PDE4D: variants seen among roughly 807,000 people sequenced by gnomAD.
The protein encoded by PDE4D is phosphodiesterase 4D.
Under a neutral mutation model 87.4 loss-of-function variants are expected in PDE4D, and 24 were observed. The ratio of observed to expected loss-of-function variants is 0.27; its 90% CI spans 0.20 to 0.39. PDE4D has a LOEUF of 0.39. Among genes scored for constraint, PDE4D ranks in the 10% least tolerant of loss-of-function variants. The pLI is 1.00. For synonymous variants in PDE4D, 384 were observed against 383.2 expected (o/e 1.00, Z -0.02); for missense variants, 714 against 1,041.0 (o/e 0.69, Z 4.32).
chr5:60,324,805 ACTGTGAAC>A (rs1221777787), intron 1 of PDE4D, among the ~76,000 whole-genome samples: 5 of 152,234 alleles, frequency 3.3e-5, no homozygotes, highest in African/African-American at 9.6e-5. Flanking sequence ...TCATATGGTT[ACTGTGAAC>A]CTCATATGGT....
chr5:59,601,377 C>T (rs1024739987), intron 1 of PDE4D, among the ~76,000 whole-genome samples: 1 of 150,438 alleles, frequency 6.6e-6, no homozygotes, highest in African/African-American at 2.4e-5. Flanking sequence ...TTTCAGTGTG[C>T]TTGCAACTGG....
chr5:59,200,205 A>G (rs1290914962), intron 2 of PDE4D, among the ~76,000 whole-genome samples: 2 of 134,554 alleles, frequency 1.5e-5, no homozygotes, highest in Non-Finnish European at 3.3e-5. Context: ...ACGTGTATGT[A>G]TAGATACACG....
At chr5:59,196,093 G>C (rs909237271) in intron 2 of PDE4D, among the ~76,000 whole-genome samples, 4 of 151,872 alleles carry the variant, frequency 2.6e-5, no homozygotes, top group Non-Finnish European at 5.9e-5. Flanking sequence ...AAAAAGTTCT[G>C]GGGAAAAAAA....
At chr5:59,206,703 C>T (rs1256266235) in intron 2 of PDE4D, among the ~76,000 whole-genome samples, 2 of 152,078 alleles carry the variant, frequency 1.3e-5, no homozygotes, top group African/African-American at 4.8e-5. Context: ...TCAAATGATA[C>T]CCTGGCATGG....
intron 1 of PDE4D, among the ~76,000 whole-genome samples, chr5:60,390,381 A>C (rs1762479908): frequency 6.6e-6 from 1 of 152,210 alleles, no homozygotes; most frequent in Admixed American, 6.5e-5. Context: ...GGTTGAGTTT[A>C]GCGCAACCCC....
rs547367485 is a variant in PDE4D, at chr5:59,340,030, G to A, written c.456-124062C>T. ...GTGTTCAGTCTTCTCACCCTCTCTG[G>A]AATCTCATTTTCATCAACAGCCCCT... is the stretch of plus-strand genomic sequence containing the variant. On this transcript the variant is annotated intron_variant, in intron 1 of 14. Transcript: ENST00000340635. Among the ~76,000 whole-genome samples the A allele has an allele frequency of 5.3e-5, 8 of 150,674 alleles. No individual in the cohort carries two copies. The East Asian group carries it at 1.4e-3, about 26-fold the overall frequency.
intron 1 of PDE4D, among the ~76,000 whole-genome samples, chr5:59,238,992 G>T (rs184246551): frequency 1.9e-4 from 29 of 152,292 alleles, no homozygotes; most frequent in African/African-American, 7.0e-4. Context: ...AGATTAAGTG[G>T]CAAGGCCAGG....
chr5:59,161,503 G>C (rs899857409), intron 5 of PDE4D, among the ~76,000 whole-genome samples: 11 of 152,192 alleles, frequency 7.2e-5, no homozygotes, highest in Non-Finnish European at 1.6e-4. Context: ...TTAGGCAGAT[G>C]AAGCCTCCAG....
intron 1 of PDE4D, among the ~76,000 whole-genome samples, chr5:59,785,159 T>A (rs1178150762): frequency 6.6e-6 from 1 of 152,218 alleles, no homozygotes; most frequent in African/African-American, 2.4e-5. Flanking sequence ...TTTTTACATA[T>A]ACAATATCAT....
intron 2 of PDE4D, among the ~76,000 whole-genome samples, chr5:60,097,737 CTGTGTGTGTGTGCA>C (rs1271797246): frequency 2.7e-5 from 4 of 150,864 alleles, no homozygotes; most frequent in Non-Finnish European, 5.9e-5. Flanking sequence ...TCAATATATC[CTGTGTGTGTGTGCA>C]TGTGTGTGAG....
At chr5:59,423,724 C>T (rs1794799740) in intron 1 of PDE4D, among the ~76,000 whole-genome samples, 1 of 151,446 alleles carries the variant, frequency 6.6e-6, no homozygotes, top group South Asian at 2.1e-4. Context: ...TTATTTATAC[C>T]TAAAATACAC....
intron 1 of PDE4D, among the ~76,000 whole-genome samples, chr5:59,378,980 TTG>T (rs3061658): frequency 0.7 from 104,055 of 149,298 alleles, 36,364 homozygotes; most frequent in African/African-American, 0.79. Flanking sequence ...GTGTGTGTGT[TTG>T]TGTGTGTGTG....
chr5:60,070,285 G>A lies in PDE4D; in HGVS notation c.43-81568C>T, dbSNP rs534939549. On this transcript the variant is annotated intron_variant, in intron 2 of 16. Coordinates refer to the PDE4D transcript ENST00000502484. Reference sequence around the variant, plus strand: ...AATCTTAGAGGAAAAGCCTTCATTCGGTTTTTCACCATTGAGTATGACGTT... The same window carrying A: ...AATCTTAGAGGAAAAGCCTTCATTCAGTTTTTCACCATTGAGTATGACGTT... Among the ~76,000 whole-genome samples the A allele has an allele frequency of 5.3e-4, 81 of 152,046 alleles. 1 individual carries two copies. The highest frequency in any genetic ancestry group is 1.7e-3 in the African/African-American group (72 of 41,484).
At chr5:59,587,740 T>TC (rs2153702353) in intron 1 of PDE4D, 1 of 339,194 alleles carries the variant, frequency 2.9e-6, no homozygotes, top group African/African-American at 2.2e-5. Context: ...CTTGCTAACC[T>TC]CCAAGTAAGA....
chr5:59,472,875 A>G (rs1582769206), intron 1 of PDE4D, among the ~76,000 whole-genome samples: 2 of 152,110 alleles, frequency 1.3e-5, no homozygotes, highest in South Asian at 4.1e-4. Flanking sequence ...TGCTCTCAAC[A>G]TAGGAGGAAA....
At chr5:59,342,252 T>A (rs1320119084) in intron 1 of PDE4D, among the ~76,000 whole-genome samples, 1 of 152,198 alleles carries the variant, frequency 6.6e-6, no homozygotes, top group Non-Finnish European at 1.5e-5. Context: ...ATACTTAGCA[T>A]AACCTCTCAT....
rs1305596989 is a variant in PDE4D at position 59,072,909 on chromosome 5, G to A, written c.809-33938C>T. On this transcript the variant is annotated intron_variant, in intron 5 of 14. Coordinates refer to ENST00000340635, the MANE Select transcript of PDE4D (RefSeq NM_001104631.2). Reference sequence around the variant, plus strand: ...AGGATGACCGATTCTGAAGCCTGCTGACTGAGTTGCTTGTGGTTCCTGTCA... The same window carrying A: ...AGGATGACCGATTCTGAAGCCTGCTAACTGAGTTGCTTGTGGTTCCTGTCA... Among the ~76,000 whole-genome samples, 3 of 152,318 alleles carry A rather than the reference G, an allele frequency of 2.0e-5. No individual in the cohort carries two copies. The East Asian group carries it at 5.8e-4, about 29-fold the overall frequency.
chr5:60,361,469 C>T (rs746145788), intron 1 of PDE4D, among the ~76,000 whole-genome samples: 2 of 152,096 alleles, frequency 1.3e-5, no homozygotes, highest in Non-Finnish European at 2.9e-5. Context: ...AATCAGCTTA[C>T]CTTCTCCACT....
intron 1 of PDE4D, among the ~76,000 whole-genome samples, chr5:59,705,246 C>T (rs1181144092): frequency 1.3e-5 from 2 of 152,110 alleles, no homozygotes; most frequent in African/African-American, 4.8e-5. Context: ...CTAGGTCCTC[C>T]CCTTCCTTAA....
Sources: gnomAD v4.1 joint callset for allele counts (sites outside exome capture counted in the v4.1 genomes callset) on GRCh38, gnomAD v4.1.1 for gene constraint, MANE v1.5 for transcripts, NCBI Gene and HGNC (gene_info 2026-07-23, HGNC 2026-07-21) for gene names.